Variants in KIAA2012 observed in about 807,000 individuals in gnomAD.
The protein encoded by KIAA2012 is uncharacterized protein KIAA2012.
Under a neutral mutation model 150.6 loss-of-function variants are expected in KIAA2012, and 125 were observed. That is an observed-to-expected ratio of 0.83 (90% CI 0.72 to 0.96). The LOEUF (loss-of-function observed/expected upper bound fraction) is 0.96. KIAA2012 is among the 40% of genes least tolerant of loss of function. The pLI is 0.00. For synonymous variants in KIAA2012, 462 were observed against 504.7 expected (o/e 0.92, Z 1.13); for missense variants, 1,219 against 1,354.9 (o/e 0.90, Z 1.57).
chr2:202,082,145 T>C (rs9288325), intron 2 of KIAA2012, among the ~76,000 whole-genome samples: 71,671 of 151,994 alleles, frequency 0.47, 18,019 homozygotes, highest in Non-Finnish European at 0.56. Context: ...TATTCAAGTC[T>C]TTTGCCCATT....
At chr2:202,161,338 C>T (rs1691650684) in intron 14 of KIAA2012, among the ~76,000 whole-genome samples, 1 of 152,198 alleles carries the variant, frequency 6.6e-6, no homozygotes, top group Non-Finnish European at 1.5e-5. Flanking sequence ...GCTCTAAATA[C>T]AGCTCAGTCT....
chr2:202,176,972 C>G lies in KIAA2012; in HGVS notation c.2120-7781C>G, dbSNP rs572468041. 2.8e-4 allele frequency among the ~76,000 whole-genome samples: 43 copies of G among 152,096 alleles called. 1 individual carries two copies. Among genetic ancestry groups the G allele is most frequent in the Non-Finnish European group, 5.3e-4 (36 of 68,006 alleles). ...ATCCTTTAGAGAAAGCATGTATGAA[C>G]AGTGACTCACCTAAAAAGGTTCATT... is the stretch of plus-strand genomic sequence containing the variant. On this transcript the variant is annotated intron_variant, in intron 15 of 23. Coordinates refer to ENST00000498697, the MANE Select transcript of KIAA2012 (RefSeq NM_001277372.4).
At chr2:202,119,247 G>C (rs1196897691) in intron 11 of KIAA2012, among the ~76,000 whole-genome samples, 3 of 149,672 alleles carry the variant, frequency 2.0e-5, no homozygotes, top group Non-Finnish European at 4.4e-5. Context: ...ACTCCAGCCT[G>C]GGCAACAGAG....
intron 14 of KIAA2012, among the ~76,000 whole-genome samples, chr2:202,163,757 T>A (rs1691703407): frequency 6.6e-6 from 1 of 151,450 alleles, no homozygotes; most frequent in African/African-American, 2.4e-5. Flanking sequence ...CTTAGCCTGT[T>A]ACTCCTTTCC....
chr2:202,125,133 T>C (rs1055445843), intron 11 of KIAA2012, 81 bp from the exon 12 acceptor site: 29 of 1,142,608 alleles, frequency 2.5e-5, no homozygotes, highest in Middle Eastern at 1.9e-4. Context: ...CACTTCATGT[T>C]TTCCCCTGTC....
At chr2:202,179,947 G>A in intron 15 of KIAA2012, 2 of 758,672 alleles carry the variant, frequency 2.6e-6, no homozygotes, top group Non-Finnish European at 4.4e-6. Context: ...CTGGATTTAG[G>A]GGGCTTACTC....
chr2:202,114,703 G>C (rs1471609810), intron 11 of KIAA2012: 1 of 164,872 alleles, frequency 6.1e-6, no homozygotes, highest in Non-Finnish European at 1.5e-5. Flanking sequence ...CATATACATA[G>C]AAGGGTCACA....
intron 2 of KIAA2012, among the ~76,000 whole-genome samples, chr2:202,088,659 A>G (rs890379166): frequency 6.6e-6 from 1 of 152,200 alleles, no homozygotes; most frequent in Non-Finnish European, 1.5e-5. Context: ...TTTCACTTAC[A>G]TTATTTCATT....
chr2:202,121,018 T>TG (rs1363158242), intron 11 of KIAA2012, among the ~76,000 whole-genome samples: 1 of 152,134 alleles, frequency 6.6e-6, no homozygotes. Flanking sequence ...ATTTGACCAA[T>TG]GGGATGTGAG....
chr2:202,108,460 C>T (rs182778617), intron 9 of KIAA2012, among the ~76,000 whole-genome samples: 36 of 152,342 alleles, frequency 2.4e-4, no homozygotes, highest in African/African-American at 7.5e-4. Flanking sequence ...TAGAATTCAA[C>T]TCAGGATCAT....
At chr2:202,168,468 G>C (rs1691819721) in intron 15 of KIAA2012, among the ~76,000 whole-genome samples, 1 of 148,388 alleles carries the variant, frequency 6.7e-6, no homozygotes, top group South Asian at 2.2e-4. Flanking sequence ...CCATCACAAA[G>C]TGCTCAAAAA....
chr2:202,190,464 G>A lies in KIAA2012; in HGVS notation c.2782G>A (p.Glu928Lys). The change falls in exon 19 of 24, where the codon GAA (glutamate) becomes AAA (lysine). Residue 928 changes from glutamate (E) to lysine (K), a missense_variant. Physicochemically the swap from Glu to Lys is moderately conservative, Grantham distance 56. Coordinates refer to ENST00000498697, the MANE Select transcript of KIAA2012 (RefSeq NM_001277372.4). ...TGTCACTGGCAACATGGAATCTAAA[G>A]AAGAGAGAAGATGTGAGGACCCTTC... ...ATVTGNMESK[E>K]ERRCEDPSKA... is the part of the protein sequence containing the mutation. 1 of 1,541,710 alleles carries A rather than the reference G, an allele frequency of 6.5e-7. No homozygotes were observed. Among genetic ancestry groups the A allele is most frequent in the Non-Finnish European group, 8.8e-7 (1 of 1,141,978 alleles).
chr2:202,087,505 C>T (rs1398157675), intron 2 of KIAA2012, among the ~76,000 whole-genome samples: 1 of 60,218 alleles, frequency 1.7e-5, no homozygotes, highest in Non-Finnish European at 3.1e-5. Context: ...AAAGCGAAAC[C>T]ATCTCAAAAA....
rs1691986816 is a variant in KIAA2012 at position 202,176,236 on chromosome 2, A to G, written c.2120-8517A>G. On this transcript the variant is annotated intron_variant, in intron 15 of 23. Transcript: ENST00000498697. ...TTTTTTTGGGACGGAGTCTCGCTCT[A>G]TTGCCCAGAAAGTGCAATGGCATGA... 2.7e-5 allele frequency among the ~76,000 whole-genome samples: 4 copies of G among 149,574 alleles called. No individual in the cohort carries two copies. In the South Asian group the frequency reaches 8.4e-4, roughly 31 times the overall value.
chr2:202,176,042 T>C (rs866064291), intron 15 of KIAA2012, among the ~76,000 whole-genome samples: 2 of 152,212 alleles, frequency 1.3e-5, no homozygotes, highest in East Asian at 1.9e-4. Flanking sequence ...TTTAAAATTC[T>C]CACCTCACAA....
In KIAA2012 at chr2:202,101,630, C is replaced by T. The variant is rs75542987; in HGVS notation, c.1155+1181C>T. Among the ~76,000 whole-genome samples, 381 of 152,296 alleles carry T rather than the reference C, an allele frequency of 2.5e-3. 2 individuals carry two copies. The highest frequency in any genetic ancestry group is 8.9e-3 in the African/African-American group (369 of 41,570). On this transcript the variant is annotated intron_variant, in intron 7 of 23. Coordinates refer to ENST00000498697, the MANE Select transcript of KIAA2012 (RefSeq NM_001277372.4). Reference sequence around the variant, plus strand: ...TTAAGTCTTGGCTCGTCAGCCATACCTCACACAAATCATTTGAGTTTCCAC... The same window carrying T: ...TTAAGTCTTGGCTCGTCAGCCATACTTCACACAAATCATTTGAGTTTCCAC...
At chr2:202,083,707 A>G (rs1429074860) in intron 2 of KIAA2012, among the ~76,000 whole-genome samples, 1 of 146,832 alleles carries the variant, frequency 6.8e-6, no homozygotes, top group Non-Finnish European at 1.5e-5. Flanking sequence ...GACACATAGC[A>G]GATGCTCAAC....
chr2:202,175,441 T>C (rs1023123176), intron 15 of KIAA2012, among the ~76,000 whole-genome samples: 11 of 152,224 alleles, frequency 7.2e-5, no homozygotes. Flanking sequence ...ATTCACATGC[T>C]GAAACCTCAT....
chr2:202,100,092 G>A (rs1173270934), intron 6 of KIAA2012, among the ~76,000 whole-genome samples: 4 of 152,066 alleles, frequency 2.6e-5, no homozygotes, highest in African/African-American at 9.7e-5. Context: ...TGTAGAATGG[G>A]GATAATAATT....
Sources: allele counts gnomAD v4.1 joint callset (sites outside exome capture counted in the v4.1 genomes callset), GRCh38; gene constraint gnomAD v4.1.1; transcripts MANE v1.5; gene names NCBI Gene and HGNC (gene_info 2026-07-23, HGNC 2026-07-21).